The following TMEM117 variants were observed in gnomAD, a reference collection of about 807,000 sequenced individuals.
The protein encoded by TMEM117 is transmembrane protein 117.
Under a neutral mutation model 52.4 loss-of-function variants are expected in TMEM117, and 27 were observed. The observed-to-expected ratio is 0.51, with a 90% confidence interval of 0.38 to 0.71. The LOEUF is 0.71. TMEM117 is among the 30% of genes least tolerant of loss of function. The pLI is 0.00. For synonymous variants in TMEM117, 215 were observed against 206.3 expected (o/e 1.04, Z -0.36); for missense variants, 556 against 630.5 (o/e 0.88, Z 1.26).
chr12:44,304,083 G>C (rs1404846445), intron 6 of TMEM117, among the ~76,000 whole-genome samples: 1 of 152,128 alleles, frequency 6.6e-6, no homozygotes, highest in East Asian at 1.9e-4. Flanking sequence ...CATTATATTA[G>C]GAAAGAGGCA....
At chr12:44,258,289 C>G (rs1950282237) in intron 5 of TMEM117, among the ~76,000 whole-genome samples, 1 of 152,178 alleles carries the variant, frequency 6.6e-6, no homozygotes, top group East Asian at 1.9e-4. Flanking sequence ...ACATTAGTTC[C>G]TCTTACCTCA....
intron 2 of TMEM117, among the ~76,000 whole-genome samples, chr12:43,907,027 T>C (rs920785552): frequency 2.0e-5 from 3 of 152,330 alleles, no homozygotes; most frequent in African/African-American, 7.2e-5. Context: ...CTCTGTAGGC[T>C]CCACCTGTGG....
chr12:43,893,504 T>C (rs553667348), intron 2 of TMEM117, among the ~76,000 whole-genome samples: 1 of 149,916 alleles, frequency 6.7e-6, no homozygotes, highest in Non-Finnish European at 1.5e-5. Context: ...AATTCTGCCT[T>C]TTTCAGTGCA....
At chr12:43,978,107 G>T (rs970808653) in intron 3 of TMEM117, among the ~76,000 whole-genome samples, 2 of 152,142 alleles carry the variant, frequency 1.3e-5, no homozygotes, top group East Asian at 3.9e-4. Context: ...AGTTGAAATT[G>T]TTCAGTTAAG....
intron 6 of TMEM117, among the ~76,000 whole-genome samples, chr12:44,362,697 A>G (rs1431759083): frequency 6.6e-6 from 1 of 152,188 alleles, no homozygotes; most frequent in African/African-American, 2.4e-5. Context: ...ATGGTTGGAA[A>G]TCAAAGATAG....
rs1013680588 is a variant in TMEM117 at position 43,976,967 on chromosome 12, C to T, written c.410+32625C>T. Among the ~76,000 whole-genome samples, 9 of 152,190 alleles carry T rather than the reference C, an allele frequency of 5.9e-5. No individual in the cohort carries two copies. The South Asian group carries it at 8.3e-4, about 14-fold the overall frequency. On this transcript the variant is annotated intron_variant, in intron 3 of 7. Coordinates refer to ENST00000266534, the MANE Select transcript of TMEM117 (RefSeq NM_032256.3). ...CTTGGCACCTCAGTTCAATGTGTGC[C>T]GTTACTAAGGAACCCCCCACTAGGG... is the stretch of plus-strand genomic sequence containing the variant.
At chr12:43,947,585 G>A (rs1945154217) in intron 3 of TMEM117, among the ~76,000 whole-genome samples, 1 of 152,200 alleles carries the variant, frequency 6.6e-6, no homozygotes, top group South Asian at 2.1e-4. Context: ...AGAAAGGACA[G>A]TGAGCACACA....
At chr12:44,317,044 T>G (rs1480246170) in intron 6 of TMEM117, among the ~76,000 whole-genome samples, 1 of 149,144 alleles carries the variant, frequency 6.7e-6, no homozygotes, top group African/African-American at 2.4e-5. Flanking sequence ...TCTTGAATCT[T>G]GTTGAGCCTC....
chr12:44,331,124 T>G (rs1407876943), intron 6 of TMEM117, among the ~76,000 whole-genome samples: 1 of 151,938 alleles, frequency 6.6e-6, no homozygotes, highest in African/African-American at 2.4e-5. Flanking sequence ...ATATTTGATT[T>G]AGATCTCCAA....
At chr12:44,152,475 T>C (rs1948755497) in intron 4 of TMEM117, among the ~76,000 whole-genome samples, 1 of 114,788 alleles carries the variant, frequency 8.7e-6, no homozygotes, top group South Asian at 2.8e-4. Flanking sequence ...TATAATTATA[T>C]CATATATAAA....
intron 3 of TMEM117, among the ~76,000 whole-genome samples, chr12:44,120,136 T>C (rs1443110418): frequency 6.6e-6 from 1 of 152,038 alleles, no homozygotes; most frequent in African/African-American, 2.4e-5. Context: ...CCAGAGAAGG[T>C]AAAATCATAT....
At chr12:43,815,580 G>GAA in the TMEM117 span, among the ~76,000 whole-genome samples, 1 of 152,236 alleles carries the variant, frequency 6.6e-6, no homozygotes, top group East Asian at 1.9e-4. Flanking sequence ...ATCATGAAGT[G>GAA]AAAAGTAGGT....
intron 4 of TMEM117, among the ~76,000 whole-genome samples, chr12:44,180,614 T>C (rs899253230): frequency 1.3e-5 from 2 of 151,170 alleles, no homozygotes; most frequent in African/African-American, 4.9e-5. Flanking sequence ...TCTGGTTTTT[T>C]GTTCTTGTGA....
intron 3 of TMEM117, among the ~76,000 whole-genome samples, chr12:44,037,896 T>C (rs555909113): frequency 6.6e-6 from 1 of 151,916 alleles, no homozygotes; most frequent in South Asian, 2.1e-4. Context: ...CTGCTGAGAG[T>C]TGGGCAGATA....
chr12:44,265,779 GA>G (rs1473219857), intron 5 of TMEM117, among the ~76,000 whole-genome samples: 1 of 152,056 alleles, frequency 6.6e-6, no homozygotes, highest in East Asian at 1.9e-4. Flanking sequence ...CCAGGCCCTG[GA>G]AAACATCAGT....
chr12:43,823,041 C>G, the TMEM117 span, among the ~76,000 whole-genome samples: 4 of 152,132 alleles, frequency 2.6e-5, no homozygotes, highest in Non-Finnish European at 5.9e-5. Context: ...AGTCATGGAC[C>G]CAGAGGGTAT....
At chr12:44,135,584 G>A (rs1475299692) in intron 3 of TMEM117, among the ~76,000 whole-genome samples, 1 of 152,004 alleles carries the variant, frequency 6.6e-6, no homozygotes, top group Non-Finnish European at 1.5e-5. Flanking sequence ...TAGCTACAGG[G>A]AAGAGAAAAA....
At position 44,344,808 on chromosome 12, in the gene TMEM117, C is replaced by T. The variant is rs115502709; in HGVS notation, c.769-31787C>T. The stretch of plus-strand genomic sequence containing the variant: ...TCTGCAGTGCTCCTCTCCTTTTCTA[C>T]TCATGCTGTCATTGCTACATAGAGG... On this transcript the variant is annotated intron_variant, in intron 6 of 7. Coordinates refer to ENST00000266534, the MANE Select transcript of TMEM117 (RefSeq NM_032256.3). Among the ~76,000 whole-genome samples the T allele has an allele frequency of 3.5e-3, 529 of 152,142 alleles. 2 individuals carry two copies. The highest frequency in any genetic ancestry group is 0.012 in the African/African-American group (490 of 41,518).
intron 5 of TMEM117, among the ~76,000 whole-genome samples, chr12:44,269,032 C>T (rs1008250597): frequency 3.9e-5 from 6 of 152,066 alleles, no homozygotes; most frequent in Non-Finnish European, 5.9e-5. Flanking sequence ...TAAATACATA[C>T]TTTTATCTCT....
Sources: allele counts gnomAD v4.1 joint callset (sites outside exome capture counted in the v4.1 genomes callset), GRCh38; gene constraint gnomAD v4.1.1; transcripts MANE v1.5; gene names NCBI Gene and HGNC (gene_info 2026-07-23, HGNC 2026-07-21).